LRRC55: variants seen among roughly 807,000 people sequenced by gnomAD.
LRRC55 encodes leucine-rich repeat-containing protein 55.
A neutral mutation model predicts 20.5 loss-of-function variants in LRRC55; 11 were observed. That is an observed-to-expected ratio of 0.54 (90% CI 0.34 to 0.89). The LOEUF (loss-of-function observed/expected upper bound fraction) is 0.89. Ranked by LOEUF, LRRC55 falls within the 40% of genes least tolerant of loss-of-function variation. The pLI, the probability that LRRC55 is intolerant of heterozygous loss-of-function variation, is 0.02. For synonymous variants in LRRC55, 188 were observed against 166.6 expected (o/e 1.13, Z -0.99); for missense variants, 358 against 390.9 (o/e 0.92, Z 0.71).
chr11:57,185,238 G>C (rs183115427), intron 1 of LRRC55, among the ~76,000 whole-genome samples: 1 of 143,818 alleles, frequency 7.0e-6, no homozygotes, highest in Non-Finnish European at 1.5e-5. Context: ...AGAAAATTTA[G>C]ATTGGATTAT....
Position 57,182,185 on chromosome 11 carries a change from CG to C in LRRC55, c.165del (p.Leu56TyrfsTer46), listed in dbSNP as rs1351242835. On this transcript the variant is annotated frameshift_variant, in exon 1 of 2. Transcript: ENST00000497933. LOFTEE classifies it high-confidence loss of function. ...CCAGGTGGTGGATTGTAGCAGCCAG[CG>C]GCTATTCTCCGTGCCCCCAGACCTG... ...RNQVVDCSSQRLFSVPPDLPM... is the reference protein window; with the variant it reads ...RNQVVDCSSQXLFSVPPDLPM... 6.2e-7 allele frequency: 1 copy of C among 1,614,048 alleles called. No homozygotes were observed. The highest frequency in any genetic ancestry group is 1.3e-5 in the African/African-American group (1 of 74,928).
chr11:57,182,152 T>C lies in LRRC55; in HGVS notation c.130T>C (p.Cys44Arg). Residue 44 changes from cysteine (C) to arginine (R), a missense_variant, in exon 1 of 2, where the codon TGC (cysteine) becomes CGC (arginine). Physicochemically the swap from Cys to Arg is radical, Grantham distance 180. Coordinates refer to ENST00000497933, the MANE Select transcript of LRRC55 (RefSeq NM_001005210.4). ...CACCAGCTGCCCCGTCCTTTGCACA[T>C]GCCGTAACCAGGTGGTGGATTGTAG... is the stretch of plus-strand genomic sequence containing the variant. ...AGTSCPVLCT[C>R]RNQVVDCSSQ... 1 of 1,614,196 alleles carries C rather than the reference T, an allele frequency of 6.2e-7. No homozygotes were observed. Among genetic ancestry groups the C allele is most frequent in the Non-Finnish European group, 8.5e-7 (1 of 1,180,040 alleles).
At position 57,189,583 on chromosome 11, in the gene LRRC55, C is replaced by T. The variant is rs898427018; in HGVS notation, c.*2103C>T. On this transcript the variant is annotated 3_prime_UTR_variant, in exon 2 of 2. Coordinates refer to ENST00000497933, the MANE Select transcript of LRRC55 (RefSeq NM_001005210.4). ...GAATCAAGAAAGGAAGCTGTGTTAACCACTCCTGCTCAAGCCCTGCTGCGT... is the reference window on the plus strand; with the variant it reads ...GAATCAAGAAAGGAAGCTGTGTTAATCACTCCTGCTCAAGCCCTGCTGCGT... The T allele has an allele frequency of 6.6e-6, 1 of 152,228 alleles. No individual in the cohort carries two copies. The highest frequency in any genetic ancestry group is 1.5e-5 in the Non-Finnish European group (1 of 68,062). The allele number at this position is 152,228 out of a possible 1,614,324, so 9.4% of individuals were successfully genotyped here. A position where few individuals can be genotyped will look rare whatever the true frequency, so the allele number is the denominator to read the frequency against.
chr11:57,182,031 C>T lies in LRRC55; in HGVS notation c.9C>T (p.Asp3=), dbSNP rs1377122121. The change falls in exon 1 of 2, where the codon GAC becomes GAT. Residue 3 remains aspartate (D), a synonymous_variant. Transcript: ENST00000497933. ...GTTGCCTGCTGCCTAAGATGGGTGA[C>T]ACTTGGGCCCAGCTTCCCTGGCCCG... MG[D]TWAQLPWPGP... is the part of the protein sequence containing the mutation. The T allele has an allele frequency of 1.2e-6, 2 of 1,614,092 alleles. No homozygotes were observed. Among genetic ancestry groups the T allele is most frequent in the Non-Finnish European group, 1.7e-6 (2 of 1,180,046 alleles).
In LRRC55 at chr11:57,191,293, C is replaced by T. The variant is rs919326084; in HGVS notation, c.*3813C>T. ...GTTTGTCTTCAACCATGGGGGAAGA[C>T]CTCCAGCTTCCATTTTCCCCTATAC... is the stretch of plus-strand genomic sequence containing the variant. On this transcript the variant is annotated 3_prime_UTR_variant, in exon 2 of 2. Transcript: ENST00000497933. The T allele has an allele frequency of 6.6e-6, 1 of 152,148 alleles. No individual in the cohort carries two copies. Among genetic ancestry groups the T allele is most frequent in the African/African-American group, 2.4e-5 (1 of 41,414 alleles). 9.4% of individuals were successfully genotyped at this position (152,148 alleles called of 1,614,324 possible).
chr11:57,187,223 C>T (rs770738503), intron 1 of LRRC55, 22 bp from the exon 2 acceptor site: 6 of 1,607,154 alleles, frequency 3.7e-6, no homozygotes, highest in Non-Finnish European at 5.1e-6. Context: ...GTACCTCACC[C>T]TCCCTGGCTT....
chr11:57,182,501 G>A lies in LRRC55; in HGVS notation c.479G>A (p.Gly160Asp), dbSNP rs775212355. The A allele has an allele frequency of 6.2e-7, 1 of 1,602,296 alleles. No individual in the cohort carries two copies. The highest frequency in any genetic ancestry group is 1.1e-5 in the South Asian group (1 of 90,656). Residue 160 changes from glycine (G) to aspartate (D), a missense_variant, in exon 1 of 2, where the codon GGC (glycine) becomes GAC (aspartate). Gly to Asp is a moderately conservative substitution (Grantham distance 94). Around this residue, in one of 3 missense-constraint regions of LRRC55, gnomAD observed 178 missense variants for 207.9 expected, o/e 0.86. Coordinates refer to ENST00000497933, the MANE Select transcript of LRRC55 (RefSeq NM_001005210.4). The stretch of plus-strand genomic sequence containing the variant: ...AGGGTGCATCCCCAGGCCTTTCAGG[G>A]CCTCATGCAGCTCCGAGACCTGGAC... ...LRRVHPQAFQ[G>D]LMQLRDLDLS...
rs1480574831 is a variant in LRRC55 at position 57,190,731 on chromosome 11, T to G, written c.*3251T>G. The stretch of plus-strand genomic sequence containing the variant: ...ATATGCATAAATAAGCATGCCTAAA[T>G]AGGCATATATAGGTTGGTGCAAAAG... On this transcript the variant is annotated 3_prime_UTR_variant, in exon 2 of 2. Transcript: ENST00000497933. 1 of 152,186 alleles carries G rather than the reference T, an allele frequency of 6.6e-6. No homozygotes were observed. The highest frequency in any genetic ancestry group is 1.5e-5 in the Non-Finnish European group (1 of 68,028). 9.4% of individuals were successfully genotyped at this position (152,186 alleles called of 1,614,324 possible). A position where few individuals can be genotyped will look rare whatever the true frequency, so the allele number is the denominator to read the frequency against.
intron 1 of LRRC55, among the ~76,000 whole-genome samples, chr11:57,186,639 T>A (rs1249269705): frequency 1.3e-5 from 2 of 152,068 alleles, no homozygotes; most frequent in East Asian, 3.9e-4. Flanking sequence ...AAGCATCCCT[T>A]CCCCGCTTCA....
In LRRC55 at chr11:57,190,260, T is replaced by C. The variant is rs945285724; in HGVS notation, c.*2780T>C. On this transcript the variant is annotated 3_prime_UTR_variant, in exon 2 of 2. Transcript: ENST00000497933. ...ACACCAAATGCCCCCTTGACATCAA[T>C]GTCCTTTCTAGTGGGACAATTTGGT... is the stretch of plus-strand genomic sequence containing the variant. The C allele has an allele frequency of 1.3e-5, 2 of 152,248 alleles. No homozygotes were observed. Among genetic ancestry groups the C allele is most frequent in the African/African-American group, 4.8e-5 (2 of 41,474 alleles). The allele number at this position is 152,248 out of a possible 1,614,324, so 9.4% of individuals were successfully genotyped here.
rs578245573 is a variant in LRRC55, at chr11:57,190,655, T to A, written c.*3175T>A. 52 of 152,328 alleles carry A rather than the reference T, an allele frequency of 3.4e-4. No individual in the cohort carries two copies. The highest frequency in any genetic ancestry group is 1.2e-3 in the African/African-American group (50 of 41,586). 9.4% of individuals were successfully genotyped at this position (152,328 alleles called of 1,614,324 possible). On this transcript the variant is annotated 3_prime_UTR_variant, in exon 2 of 2. Transcript: ENST00000497933. ...GACTTGGGACAGATCTCTCTAGAAC[T>A]TGGGTTCAGTTCTCTGACATAGTCC...
chr11:57,185,866 A>C (rs541635185), intron 1 of LRRC55, among the ~76,000 whole-genome samples: 23 of 152,220 alleles, frequency 1.5e-4, no homozygotes, highest in Non-Finnish European at 2.4e-4. Flanking sequence ...TCAATGCTGA[A>C]AATAACAATA....
Position 57,190,016 on chromosome 11 carries a change from C to T in LRRC55, c.*2536C>T, listed in dbSNP as rs1275436748. 2 of 152,172 alleles carry T rather than the reference C, an allele frequency of 1.3e-5. No homozygotes were observed. Among genetic ancestry groups the T allele is most frequent in the African/African-American group, 2.4e-5 (1 of 41,436 alleles). The allele number at this position is 152,172 out of a possible 1,614,324, so 9.4% of individuals were successfully genotyped here. A position where few individuals can be genotyped will look rare whatever the true frequency, so the allele number is the denominator to read the frequency against. The stretch of plus-strand genomic sequence containing the variant: ...GCCCTGCTCTCTCCTTCTGTGATGA[C>T]CAAGGATGGTGAACTCAAGTTGTTC... On this transcript the variant is annotated 3_prime_UTR_variant, in exon 2 of 2. Coordinates refer to ENST00000497933, the MANE Select transcript of LRRC55 (RefSeq NM_001005210.4).
chr11:57,182,983 T>C (rs1854383495), intron 1 of LRRC55, among the ~76,000 whole-genome samples: 1 of 152,218 alleles, frequency 6.6e-6, no homozygotes, highest in Admixed American at 6.5e-5. Context: ...TGGTGGTTTT[T>C]ATTGAGCTTT....
chr11:57,185,523 CCT>C (rs1369922417), intron 1 of LRRC55, among the ~76,000 whole-genome samples: 8 of 44,762 alleles, frequency 1.8e-4, no homozygotes, highest in African/African-American at 3.6e-4. Context: ...TCATGATCCA[CCT>C]CCACCCGCCT....
chr11:57,182,851 C>A (rs1854381572), intron 1 of LRRC55, among the ~76,000 whole-genome samples, 168 bp downstream of exon 1: 1 of 152,204 alleles, frequency 6.6e-6, no homozygotes, highest in South Asian at 2.1e-4. Flanking sequence ...TTTGTAGAAT[C>A]CTTCCAGTGC....
chr11:57,187,595 C>G lies in LRRC55; in HGVS notation c.*115C>G. The stretch of plus-strand genomic sequence containing the variant: ...TGACCTGGCTGCCTCAGTCATGGTT[C>G]AAGCAAGGTGGGGACACTCATTTTG... On this transcript the variant is annotated 3_prime_UTR_variant, in exon 2 of 2. Transcript: ENST00000497933. 16 of 994,760 alleles carry G rather than the reference C, an allele frequency of 1.6e-5. No homozygotes were observed. In the South Asian group the frequency reaches 2.1e-4, roughly 13 times the overall value. 61.6% of individuals were successfully genotyped at this position (994,760 alleles called of 1,614,324 possible).
chr11:57,183,969 G>A (rs1264223211), intron 1 of LRRC55, among the ~76,000 whole-genome samples: 1 of 152,192 alleles, frequency 6.6e-6, no homozygotes, highest in Non-Finnish European at 1.5e-5. Context: ...CCTATCCAAG[G>A]GGCTTTCCCA....
In LRRC55 at chr11:57,182,530, A is replaced by G. The variant is rs1233065133; in HGVS notation, c.508A>G (p.Ser170Gly). The G allele has an allele frequency of 6.3e-7, 1 of 1,586,808 alleles. No homozygotes were observed. The highest frequency in any genetic ancestry group is 1.7e-5 in the Admixed American group (1 of 58,216). ...CATGCAGCTCCGAGACCTGGACCTC[A>G]GTTATGGGGGCCTGGCCTTCCTCAG... is the stretch of plus-strand genomic sequence containing the variant. ...GLMQLRDLDL[S>G]YGGLAFLSLE... The change falls in exon 1 of 2, where the codon AGT becomes GGT. Residue 170 changes from serine (S) to glycine (G), a missense_variant. By Grantham distance (56) the Ser-to-Gly change is moderately conservative. Around this residue, in one of 3 missense-constraint regions of LRRC55, gnomAD observed 178 missense variants for 207.9 expected, o/e 0.86. Coordinates refer to ENST00000497933, the MANE Select transcript of LRRC55 (RefSeq NM_001005210.4).
Sources: allele counts gnomAD v4.1 joint callset (sites outside exome capture counted in the v4.1 genomes callset), GRCh38; gene constraint gnomAD v4.1.1; regional missense constraint gnomAD v4.1.1; transcripts MANE v1.5; gene names NCBI Gene and HGNC (gene_info 2026-07-23, HGNC 2026-07-21).